Variants in STPG2 observed in about 807,000 individuals in gnomAD.
STPG2 encodes the protein sperm-tail PG-rich repeat-containing protein 2.
A neutral mutation model predicts 54.2 loss-of-function variants in STPG2; 56 were observed. The observed-to-expected ratio is 1.03, with a 90% CI of 0.83 to 1.29. The LOEUF (loss-of-function observed/expected upper bound fraction) is 1.29, where lower values mean the gene tolerates loss of function less well. Among genes scored for constraint, STPG2 ranks in the 50% most tolerant of loss-of-function variants. The probability of loss-of-function intolerance (pLI) is 0.00; values close to 1 mark genes in which losing one functional copy is unlikely to be tolerated. For missense variants in STPG2, 596 were observed against 544.9 expected, an observed-to-expected ratio of 1.09 and a Z score of -0.93; for synonymous variants, 200 against 181.8, an observed-to-expected ratio of 1.10 and a Z score of -0.81.
intron 8 of STPG2, among the ~76,000 whole-genome samples, chr4:97,845,348 C>A (rs933357292): frequency 1.3e-5 from 2 of 151,844 alleles, no homozygotes; most frequent in African/African-American, 2.4e-5. Flanking sequence ...TCATTTAAGC[C>A]ATTTCTCATT....
chr4:97,629,861 T>C (rs1721213648), intron 10 of STPG2, among the ~76,000 whole-genome samples: 1 of 151,930 alleles, frequency 6.6e-6, no homozygotes, highest in African/African-American at 2.4e-5. Context: ...ATAATGGAAA[T>C]TTTGTAAGTG....
rs183845542 is a variant in STPG2, at chr4:97,943,054, C to A, written c.1044+843G>T. Among the ~76,000 whole-genome samples the A allele has an allele frequency of 1.3e-3, 198 of 152,246 alleles. 1 individual carries two copies. Among genetic ancestry groups the A allele is most frequent in the African/African-American group, 4.4e-3 (184 of 41,560 alleles). On this transcript the variant is annotated intron_variant, in intron 8 of 10. Coordinates refer to ENST00000295268, the MANE Select transcript of STPG2 (RefSeq NM_174952.3). ...CAGGCTGGAAAGTTCAACACCAAGG[C>A]ACAAGCAGACTCAGTATCTGGAGAG...
intron 10 of STPG2, among the ~76,000 whole-genome samples, chr4:97,645,401 T>C (rs1231205645): frequency 6.6e-6 from 1 of 152,082 alleles, no homozygotes; most frequent in Non-Finnish European, 1.5e-5. Flanking sequence ...ATTTTAAAGA[T>C]AGAGTTCATA....
At chr4:97,585,232 A>G (rs767115107) in intron 10 of STPG2, among the ~76,000 whole-genome samples, 1 of 152,028 alleles carries the variant, frequency 6.6e-6, no homozygotes. Flanking sequence ...CAAGTCAATA[A>G]ATGTGATACA....
At chr4:97,695,609 T>C (rs1001436046) in intron 10 of STPG2, among the ~76,000 whole-genome samples, 13 of 151,942 alleles carry the variant, frequency 8.6e-5, no homozygotes, top group African/African-American at 2.7e-4. Context: ...TAAAGATTCA[T>C]CCAAAAAGCC....
chr4:97,888,549 A>AT (rs1371939499), intron 8 of STPG2, among the ~76,000 whole-genome samples: 1 of 151,646 alleles, frequency 6.6e-6, no homozygotes, highest in South Asian at 2.1e-4. Flanking sequence ...ACAAAAGGAG[A>AT]TTTAGAACAA....
At chr4:98,022,531 G>T (rs1084774) in intron 5 of STPG2, among the ~76,000 whole-genome samples, 1 of 149,382 alleles carries the variant, frequency 6.7e-6, no homozygotes. Context: ...TCTTTGTGGC[G>T]TTCTCTGTAT....
At chr4:97,955,994 G>A (rs1000970185) in intron 7 of STPG2, among the ~76,000 whole-genome samples, 5 of 151,500 alleles carry the variant, frequency 3.3e-5, no homozygotes, top group Non-Finnish European at 7.4e-5. Context: ...TCAGACAGAA[G>A]AAAAACGATT....
intron 9 of STPG2, among the ~76,000 whole-genome samples, chr4:97,742,793 C>G (rs908275589): frequency 6.6e-6 from 1 of 151,266 alleles, no homozygotes; most frequent in Non-Finnish European, 1.5e-5. Flanking sequence ...CAAAAAGGTA[C>G]AAAGTTTCAG....
intron 10 of STPG2, among the ~76,000 whole-genome samples, chr4:97,585,101 CAAAAAAAAAA>C (rs60854805): frequency 2.8e-4 from 13 of 46,260 alleles, no homozygotes; most frequent in Non-Finnish European, 3.8e-4. Context: ...AAAATATTCT[CAAAAAAAAAA>C]AAAAAAAAAA....
chr4:97,712,899 T>C (rs2149008216), intron 9 of STPG2, 85 bp from the exon 10 acceptor site: 1 of 823,150 alleles, frequency 1.2e-6, no homozygotes, highest in Non-Finnish European at 1.8e-6. Context: ...GTTTGTGCTC[T>C]TAATGTATAA....
intron 10 of STPG2, among the ~76,000 whole-genome samples, chr4:97,594,639 A>G (rs1733234582): frequency 6.6e-6 from 1 of 152,196 alleles, no homozygotes; most frequent in East Asian, 1.9e-4. Context: ...CATTCAGGAA[A>G]TCCAGATAAG....
chr4:98,026,204 G>C (rs1736414816), intron 5 of STPG2: 2 of 1,195,988 alleles, frequency 1.7e-6, no homozygotes, highest in Non-Finnish European at 2.5e-6. Flanking sequence ...TCAGAAGAAA[G>C]ATCGGGTAGC....
At chr4:97,959,179 T>C (rs1040867447) in intron 7 of STPG2, among the ~76,000 whole-genome samples, 8 of 151,936 alleles carry the variant, frequency 5.3e-5, no homozygotes, top group South Asian at 2.1e-4. Context: ...AACAGAACAA[T>C]AGTAACACAA....
At chr4:97,664,610 G>C (rs910700462) in intron 10 of STPG2, among the ~76,000 whole-genome samples, 1 of 152,130 alleles carries the variant, frequency 6.6e-6, no homozygotes, top group East Asian at 1.9e-4. Context: ...TCTTAGGCAA[G>C]GCATTTTTAA....
chr4:97,906,450 G>C (rs1485779562), intron 8 of STPG2, among the ~76,000 whole-genome samples: 1 of 152,120 alleles, frequency 6.6e-6, no homozygotes, highest in Non-Finnish European at 1.5e-5. Flanking sequence ...AGGAGGAGCT[G>C]GTACCATTCC....
At chr4:98,110,315 G>C (rs939988309) in intron 3 of STPG2, among the ~76,000 whole-genome samples, 1 of 152,132 alleles carries the variant, frequency 6.6e-6, no homozygotes, top group Admixed American at 6.6e-5. Flanking sequence ...GTGATCAGCA[G>C]CTTCCAGATA....
At chr4:97,822,735 C>T (rs1728128070) in intron 9 of STPG2, among the ~76,000 whole-genome samples, 2 of 152,044 alleles carry the variant, frequency 1.3e-5, no homozygotes, top group African/African-American at 2.4e-5. Context: ...GGTAAGGGTG[C>T]CACACACTTT....
chr4:98,126,362 G>A lies in STPG2; in HGVS notation c.387+2066C>T, dbSNP rs556829001. On this transcript the variant is annotated intron_variant, in intron 3 of 10. Transcript: ENST00000295268. Reference sequence around the variant, plus strand: ...CGTCAGCCTGCACAGCTCTGTGCTTGGGGATCCAAGGCCCGGGTGGTGTGG... The same window carrying A: ...CGTCAGCCTGCACAGCTCTGTGCTTAGGGATCCAAGGCCCGGGTGGTGTGG... Among the ~76,000 whole-genome samples the A allele has an allele frequency of 3.9e-5, 6 of 152,356 alleles. No homozygotes were observed. In the South Asian group the frequency reaches 1.2e-3, roughly 32 times the overall value.
Sources: allele counts gnomAD v4.1 joint callset (sites outside exome capture counted in the v4.1 genomes callset), GRCh38; gene constraint gnomAD v4.1.1; transcripts MANE v1.5; gene names NCBI Gene and HGNC (gene_info 2026-07-23, HGNC 2026-07-21).